NAV3: variants seen among roughly 807,000 people sequenced by gnomAD.
NAV3 encodes neuron navigator 3.
In NAV3, 87 loss-of-function variants were observed where a neutral mutation model predicts 244.7. The ratio of observed to expected loss-of-function variants is 0.36; its 90% CI spans 0.30 to 0.42. The LOEUF is 0.42. Among genes scored for constraint, NAV3 ranks in the 20% least tolerant of loss-of-function variants. NAV3 has a pLI of 1.00. For missense variants in NAV3, 2,663 were observed against 2,893.3 expected (o/e 0.92, Z 1.83); for synonymous variants, 1,126 against 1,042.2 (o/e 1.08, Z -1.55).
At chr12:78,083,909 A>G (rs1953490624) in intron 12 of NAV3, among the ~76,000 whole-genome samples, 2 of 152,000 alleles carry the variant, frequency 1.3e-5, no homozygotes, top group Admixed American at 6.6e-5. Context: ...CAAACAAAAA[A>G]CCTTACTTGG....
At chr12:78,180,533 T>A (rs987419911) in intron 29 of NAV3, among the ~76,000 whole-genome samples, 2 of 152,088 alleles carry the variant, frequency 1.3e-5, no homozygotes, top group African/African-American at 4.8e-5. Flanking sequence ...GATTTTAACA[T>A]CACCTTTAAA....
At chr12:77,971,704 C>T (rs1320265491) in intron 5 of NAV3, among the ~76,000 whole-genome samples, 4 of 151,902 alleles carry the variant, frequency 2.6e-5, no homozygotes, top group Non-Finnish European at 5.9e-5. Flanking sequence ...TTTATGATGC[C>T]TTTCTATTGA....
intron 27 of NAV3, 144 bp downstream of exon 27, chr12:78,177,457 A>C (rs910304524): frequency 8.7e-7 from 1 of 1,149,596 alleles, no homozygotes; most frequent in Non-Finnish European, 1.2e-6. Context: ...CTCTTTTCAT[A>C]TTTCTCTTTC....
intron 9 of NAV3, among the ~76,000 whole-genome samples, chr12:78,028,184 C>T (rs886668113): frequency 6.6e-6 from 1 of 152,054 alleles, no homozygotes; most frequent in Non-Finnish European, 1.5e-5. Context: ...ATGAAGATCT[C>T]AATTGTGTAT....
At chr12:78,133,350 C>CTCTTAAAA (rs1956242819) in intron 18 of NAV3, among the ~76,000 whole-genome samples, 1 of 151,574 alleles carries the variant, frequency 6.6e-6, no homozygotes, top group Admixed American at 6.6e-5. Context: ...AAAATGAGTA[C>CTCTTAAAA]TCTTAAAATG....
intron 2 of NAV3, among the ~76,000 whole-genome samples, chr12:77,735,977 G>A (rs887899990): frequency 7.9e-5 from 12 of 152,152 alleles, no homozygotes; most frequent in Admixed American, 2.6e-4. Context: ...CTGAAAACAG[G>A]TTCTAAACTG....
In NAV3 at chr12:78,092,491, C is replaced by CTT. The variant is rs71088358; in HGVS notation, c.2637-24256_2637-24255dup. The stretch of plus-strand genomic sequence containing the variant: ...ACCCTTTGAAAGCGTTAGTTATTTT[C>CTT]TTTTTTTTTTTTTTTTTTTTTTTTT... On this transcript the variant is annotated intron_variant, in intron 12 of 39. Transcript: ENST00000397909. 9.0e-3 allele frequency among the ~76,000 whole-genome samples: 574 copies of CTT among 64,028 alleles called. 62 individuals are homozygous for CTT. Among genetic ancestry groups the CTT allele is most frequent in the African/African-American group, 0.016 (273 of 16,846 alleles). The allele number at this position is 64,028 out of a possible 152,430, so 42.0% of individuals were successfully genotyped here. A position where few individuals can be genotyped will look rare whatever the true frequency, so the allele number is the denominator to read the frequency against.
chr12:77,808,379 T>C (rs145423862), intron 2 of NAV3, among the ~76,000 whole-genome samples: 50 of 152,324 alleles, frequency 3.3e-4, no homozygotes, highest in Admixed American at 5.2e-4. Flanking sequence ...ATCCTTTTTG[T>C]TGGTTTTGTT....
At chr12:77,807,210 C>T (rs1872027971) in intron 2 of NAV3, among the ~76,000 whole-genome samples, 1 of 152,174 alleles carries the variant, frequency 6.6e-6, no homozygotes, top group African/African-American at 2.4e-5. Context: ...GAATTTGATC[C>T]TGTCATTATG....
intron 2 of NAV3, among the ~76,000 whole-genome samples, chr12:77,601,122 G>A (rs1870409861): frequency 6.6e-6 from 1 of 151,986 alleles, no homozygotes; most frequent in Non-Finnish European, 1.5e-5. Flanking sequence ...TGCTTTATAT[G>A]TATTAACTCA....
chr12:77,870,603 G>A lies in NAV3; in HGVS notation c.243+38899G>A, dbSNP rs190107828. On this transcript the variant is annotated intron_variant, in intron 1 of 39. Transcript: ENST00000397909. ...AAAATCAATTATTCTTGCTGCTTCTGTTACAGATGCTGGAGAATGTGTGGA... is the reference window on the plus strand; with the variant it reads ...AAAATCAATTATTCTTGCTGCTTCTATTACAGATGCTGGAGAATGTGTGGA... 4.5e-4 allele frequency among the ~76,000 whole-genome samples: 69 copies of A among 152,220 alleles called. 1 individual carries two copies. In the East Asian group the frequency reaches 9.1e-3, roughly 20 times the overall value.
At chr12:78,131,712 C>T (rs571808242) in intron 18 of NAV3, among the ~76,000 whole-genome samples, 23 of 152,064 alleles carry the variant, frequency 1.5e-4, no homozygotes, top group East Asian at 5.8e-4. Context: ...TTGGTGAAGT[C>T]GTTTAAACTT....
chr12:78,148,721 T>C (rs1230097382), intron 21 of NAV3, 121 bp from the exon 22 acceptor site: 2 of 742,344 alleles, frequency 2.7e-6, no homozygotes, highest in African/African-American at 1.8e-5. Flanking sequence ...TTTTCAGGAG[T>C]TGCTGCTGAT....
intron 2 of NAV3, among the ~76,000 whole-genome samples, chr12:77,824,241 ATTTTTTTTT>A (rs61710960): frequency 1.9e-5 from 2 of 104,902 alleles, no homozygotes; most frequent in African/African-American, 3.8e-5. Flanking sequence ...GCCCAACTAA[ATTTTTTTTT>A]TTTTTTTTTT....
intron 23 of NAV3, among the ~76,000 whole-genome samples, chr12:78,167,641 A>T (rs993965910): frequency 2.0e-5 from 3 of 151,590 alleles, no homozygotes; most frequent in Non-Finnish European, 3.0e-5. Flanking sequence ...GACATTGAGT[A>T]AAGAGAAATT....
In NAV3 at chr12:78,076,258, C is replaced by G. The variant is rs768938800; in HGVS notation, c.2636+17143C>G. On this transcript the variant is annotated intron_variant, in intron 12 of 39. Coordinates refer to ENST00000397909, the MANE Select transcript of NAV3 (RefSeq NM_001024383.2). ...GAAATCCCATACTCAACCTGGAATACCAATTCTGGTTTCCTTCGTATCTCT... is the reference window on the plus strand; with the variant it reads ...GAAATCCCATACTCAACCTGGAATAGCAATTCTGGTTTCCTTCGTATCTCT... 3.7e-4 allele frequency among the ~76,000 whole-genome samples: 57 copies of G among 152,168 alleles called. 1 individual carries two copies. The highest frequency in any genetic ancestry group is 7.5e-4 in the Non-Finnish European group (51 of 68,024).
rs368523029 is a variant in NAV3 at position 77,936,094 on chromosome 12, G to A, written c.244-4225G>A. Among the ~76,000 whole-genome samples the A allele has an allele frequency of 1.4e-4, 22 of 152,224 alleles. No individual in the cohort carries two copies. The East Asian group carries it at 2.7e-3, about 19-fold the overall frequency. ...ACTGGGGAATTTAGAGAAAAGAAAT[G>A]TTCAATCAAAGTCTGCACAAATATT... On this transcript the variant is annotated intron_variant, in intron 1 of 39. Transcript: ENST00000397909.
rs949783823 is a variant in NAV3 at position 78,061,281 on chromosome 12, A to G, written c.2636+2166A>G. 2.0e-5 allele frequency among the ~76,000 whole-genome samples: 3 copies of G among 152,218 alleles called. No individual in the cohort carries two copies. The East Asian group carries it at 5.8e-4, about 29-fold the overall frequency. On this transcript the variant is annotated intron_variant, in intron 12 of 39. Transcript: ENST00000397909. The stretch of plus-strand genomic sequence containing the variant: ...TAAATACATGTAACGCCTAGCATAA[A>G]TATTTCAACATTAAAAATGACATTT...
At chr12:78,059,774 G>A (rs1884060227) in intron 12 of NAV3, among the ~76,000 whole-genome samples, 1 of 151,678 alleles carries the variant, frequency 6.6e-6, no homozygotes, top group South Asian at 2.1e-4. Flanking sequence ...AAGAAACTCT[G>A]GTTAATAAGT....
Sources: gnomAD v4.1 joint callset for allele counts (sites outside exome capture counted in the v4.1 genomes callset) on GRCh38, gnomAD v4.1.1 for gene constraint, MANE v1.5 for transcripts, NCBI Gene and HGNC (gene_info 2026-07-23, HGNC 2026-07-21) for gene names.